GRM7: variants seen among roughly 807,000 people sequenced by gnomAD.
GRM7 encodes glutamate metabotropic receptor 7, also known as metabotropic glutamate receptor 7.
GRM7 carries 35 observed loss-of-function variants against 84.5 expected under a neutral mutation model. That is an observed-to-expected ratio of 0.41 (90% CI 0.32 to 0.55). The LOEUF (loss-of-function observed/expected upper bound fraction) is 0.55, where lower values mean the gene tolerates loss of function less well. Among genes scored for constraint, GRM7 ranks in the 20% least tolerant of loss-of-function variants. The pLI is 0.19. For missense variants in GRM7, 1,003 were observed against 1,194.6 expected (o/e 0.84, Z 2.36); for synonymous variants, 487 against 455.1 (o/e 1.07, Z -0.89).
chr3:7,037,185 G>A (rs546841879), intron 1 of GRM7, among the ~76,000 whole-genome samples: 41 of 152,230 alleles, frequency 2.7e-4, no homozygotes, highest in African/African-American at 9.4e-4. Flanking sequence ...CAACTGACTG[G>A]CTGCTAATGG....
chr3:7,464,250 A>G (rs981533284), intron 7 of GRM7, among the ~76,000 whole-genome samples: 5 of 94,740 alleles, frequency 5.3e-5, no homozygotes, highest in Non-Finnish European at 1.1e-4. Flanking sequence ...AATGGGATAC[A>G]TATGTAACGT....
intron 4 of GRM7, among the ~76,000 whole-genome samples, chr3:7,333,376 G>GA (rs1224199368): frequency 6.6e-6 from 1 of 152,162 alleles, no homozygotes; most frequent in Non-Finnish European, 1.5e-5. Flanking sequence ...CTAGCCCCCA[G>GA]AAGGGCAATA....
intron 2 of GRM7, among the ~76,000 whole-genome samples, chr3:7,229,703 AC>A (rs1223590861): frequency 8.3e-6 from 1 of 121,184 alleles, no homozygotes; most frequent in Non-Finnish European, 1.7e-5. Context: ...TCCTTCCCCA[AC>A]CCCGCTCTCC....
chr3:7,689,158 A>T (rs955025610), intron 9 of GRM7, among the ~76,000 whole-genome samples: 3 of 152,192 alleles, frequency 2.0e-5, no homozygotes, highest in Non-Finnish European at 2.9e-5. Flanking sequence ...TGGTATTTGG[A>T]TGAAAAAACT....
chr3:7,008,372 A>G (rs1280877038), intron 1 of GRM7, among the ~76,000 whole-genome samples: 1 of 152,194 alleles, frequency 6.6e-6, no homozygotes, highest in African/African-American at 2.4e-5. Flanking sequence ...TTGGCATTCA[A>G]ATCAAACACT....
chr3:7,108,032 T>C (rs911053935), intron 1 of GRM7, among the ~76,000 whole-genome samples: 2 of 152,006 alleles, frequency 1.3e-5, no homozygotes, highest in African/African-American at 4.8e-5. Context: ...TATGTGAGCC[T>C]TTACAGAGTA....
At chr3:7,520,781 G>C (rs1184948257) in intron 7 of GRM7, among the ~76,000 whole-genome samples, 1 of 152,148 alleles carries the variant, frequency 6.6e-6, no homozygotes, top group East Asian at 1.9e-4. Flanking sequence ...CCCTGAGGGA[G>C]ATCATCCAAC....
chr3:7,427,208 A>C (rs2124840501), intron 5 of GRM7, among the ~76,000 whole-genome samples: 1 of 152,354 alleles, frequency 6.6e-6, no homozygotes, highest in African/African-American at 2.4e-5. Flanking sequence ...AAAATTCAAT[A>C]AACTGTAATA....
At chr3:6,956,073 G>A (rs17750774) in intron 1 of GRM7, among the ~76,000 whole-genome samples, 34,333 of 152,036 alleles carry the variant, frequency 0.23, 4,062 homozygotes, top group Non-Finnish European at 0.26. Flanking sequence ...GTTATTGAGT[G>A]CCTTGCTAGA....
At chr3:7,103,255 AT>A (rs1191697788) in intron 1 of GRM7, among the ~76,000 whole-genome samples, 2 of 151,592 alleles carry the variant, frequency 1.3e-5, no homozygotes, top group East Asian at 3.9e-4. Flanking sequence ...TGTTTCATGC[AT>A]TTTTTCTGTC....
chr3:7,404,431 CCAT>C (rs1367539560), intron 4 of GRM7, among the ~76,000 whole-genome samples: 2 of 152,276 alleles, frequency 1.3e-5, no homozygotes, highest in African/African-American at 4.8e-5. Context: ...TGAGAACTAA[CCAT>C]CAGGCTTCTT....
At chr3:7,117,356 G>A (rs1355691592) in intron 1 of GRM7, among the ~76,000 whole-genome samples, 10 of 152,152 alleles carry the variant, frequency 6.6e-5, no homozygotes, top group Admixed American at 5.9e-4. Context: ...TGCCTAAGTA[G>A]GCCCTTGGCC....
chr3:6,884,745 G>A (rs1299063805), intron 1 of GRM7, among the ~76,000 whole-genome samples: 2 of 151,836 alleles, frequency 1.3e-5, no homozygotes, highest in South Asian at 2.1e-4. Context: ...GATTACAGAC[G>A]CCCACCACCA....
chr3:7,356,920 T>TCACACACACACA (rs34481316), intron 4 of GRM7, among the ~76,000 whole-genome samples: 3,113 of 131,190 alleles, frequency 0.024, 71 homozygotes, highest in African/African-American at 0.043. Context: ...GCCTTTTTGA[T>TCACACACACACA]CACACACACA....
chr3:6,905,530 T>C (rs1696543472), intron 1 of GRM7, among the ~76,000 whole-genome samples: 1 of 151,784 alleles, frequency 6.6e-6, no homozygotes, highest in African/African-American at 2.4e-5. Flanking sequence ...ATCTATAAAA[T>C]GACATTTCAA....
intron 1 of GRM7, among the ~76,000 whole-genome samples, chr3:7,078,184 T>C (rs1698158079): frequency 1.3e-5 from 2 of 152,212 alleles, no homozygotes; most frequent in South Asian, 4.1e-4. Flanking sequence ...GTCAGCCATG[T>C]ATCAGGTATA....
chr3:7,093,313 G>A (rs980751189), intron 1 of GRM7, among the ~76,000 whole-genome samples: 4 of 151,904 alleles, frequency 2.6e-5, no homozygotes, highest in Non-Finnish European at 4.4e-5. Context: ...GCTTCATGAC[G>A]TGTACTTGTG....
intron 9 of GRM7, among the ~76,000 whole-genome samples, chr3:7,729,791 C>G (rs750929218): frequency 1.3e-5 from 2 of 151,518 alleles, no homozygotes; most frequent in Non-Finnish European, 1.5e-5. Flanking sequence ...CTGCAACCTC[C>G]GCCTCCTGGG....
At chr3:7,317,006 T>C (rs541614431) in intron 4 of GRM7, among the ~76,000 whole-genome samples, 1 of 152,232 alleles carries the variant, frequency 6.6e-6, no homozygotes, top group South Asian at 2.1e-4. Flanking sequence ...AATATGAGTA[T>C]AATTTATTGG....
Sources: gnomAD v4.1 joint callset for allele counts (sites outside exome capture counted in the v4.1 genomes callset) on GRCh38, gnomAD v4.1.1 for gene constraint, MANE v1.5 for transcripts, NCBI Gene and HGNC (gene_info 2026-07-23, HGNC 2026-07-21) for gene names.